MICU1: variants seen among roughly 807,000 people sequenced by gnomAD.
MICU1 encodes the protein mitochondrial calcium uptake 1, also known as calcium uptake protein 1, mitochondrial.
MICU1 carries 45 observed loss-of-function variants against 56.8 expected under a neutral mutation model. That is an observed-to-expected ratio of 0.79 (90% confidence interval 0.62 to 1.02). MICU1 has a LOEUF of 1.02. MICU1 is among the 50% of genes least tolerant of loss of function. The pLI is 0.00. For missense variants in MICU1, 504 were observed against 587.1 expected (o/e 0.86, Z 1.46); for synonymous variants, 186 against 195.1 (o/e 0.95, Z 0.39).
At chr10:72,599,007 T>G (rs937833720) in intron 1 of MICU1, among the ~76,000 whole-genome samples, 1 of 152,096 alleles carries the variant, frequency 6.6e-6, no homozygotes, top group African/African-American at 2.4e-5. Flanking sequence ...AAAATGTGAG[T>G]TTCCCGTTCC....
chr10:72,383,652 T>C (rs575294065), intron 10 of MICU1, among the ~76,000 whole-genome samples: 44 of 152,326 alleles, frequency 2.9e-4, no homozygotes, highest in Middle Eastern at 3.4e-3. Flanking sequence ...CCTTTTCCCC[T>C]TCTCTTTAAA....
At chr10:72,538,511 A>G (rs1037068339) in intron 4 of MICU1, among the ~76,000 whole-genome samples, 2 of 152,162 alleles carry the variant, frequency 1.3e-5, no homozygotes, top group Admixed American at 1.3e-4. Flanking sequence ...TTAAGCTGTT[A>G]TCAGCTTGAA....
intron 10 of MICU1, among the ~76,000 whole-genome samples, chr10:72,400,620 C>A (rs953607035): frequency 1.3e-5 from 2 of 151,876 alleles, no homozygotes; most frequent in Non-Finnish European, 2.9e-5. Flanking sequence ...GTGGCAGGCA[C>A]CTGTAATCCC....
At chr10:72,551,407 C>T (rs1302475439) in intron 3 of MICU1, 66 bp from the exon 4 acceptor site, 26 of 1,017,624 alleles carry the variant, frequency 2.6e-5, no homozygotes, top group Middle Eastern at 2.2e-4. Flanking sequence ...ATATTCTTAT[C>T]ATCACTGCTC....
intron 1 of MICU1, among the ~76,000 whole-genome samples, chr10:72,571,039 T>C (rs1195392746): frequency 6.6e-6 from 1 of 152,232 alleles, no homozygotes; most frequent in Non-Finnish European, 1.5e-5. Flanking sequence ...TTGGAAGTTT[T>C]CAATGTTTAA....
intron 4 of MICU1, among the ~76,000 whole-genome samples, chr10:72,550,842 ACTTT>A (rs1192705096): frequency 2.0e-5 from 3 of 152,294 alleles, no homozygotes; most frequent in Non-Finnish European, 4.4e-5. Flanking sequence ...TTAATTTCAT[ACTTT>A]ATAAGTTTTC....
At chr10:72,507,911 C>A (rs1319333851) in intron 6 of MICU1, among the ~76,000 whole-genome samples, 2 of 152,276 alleles carry the variant, frequency 1.3e-5, no homozygotes, top group East Asian at 3.9e-4. Context: ...AGCCACTGTG[C>A]CCAGCCGTTT....
chr10:72,394,288 G>C (rs1163080561), intron 10 of MICU1, among the ~76,000 whole-genome samples: 1 of 152,130 alleles, frequency 6.6e-6, no homozygotes, highest in South Asian at 2.1e-4. Flanking sequence ...CTAAGATGTA[G>C]ACATATCCTT....
chr10:72,395,815 G>A (rs894033427), intron 10 of MICU1, among the ~76,000 whole-genome samples: 1 of 152,234 alleles, frequency 6.6e-6, no homozygotes, highest in Non-Finnish European at 1.5e-5. Flanking sequence ...AGCTCAACAG[G>A]CCTACAGCCT....
At chr10:72,418,444 G>T (rs1332334462) in intron 9 of MICU1, among the ~76,000 whole-genome samples, 2 of 152,126 alleles carry the variant, frequency 1.3e-5, no homozygotes, top group African/African-American at 4.8e-5. Context: ...CTTTCTTAAG[G>T]AAAAGACAAG....
intron 6 of MICU1, among the ~76,000 whole-genome samples, chr10:72,479,730 T>C (rs1433897522): frequency 6.6e-6 from 1 of 152,184 alleles, no homozygotes; most frequent in Non-Finnish European, 1.5e-5. Context: ...CTCACTACAT[T>C]GCCCAGGCTG....
intron 5 of MICU1, among the ~76,000 whole-genome samples, chr10:72,519,049 G>A (rs183102629): frequency 1.3e-5 from 2 of 152,306 alleles, no homozygotes; most frequent in East Asian, 3.9e-4. Context: ...GTTTTATGTG[G>A]CTTAGAAGTT....
chr10:72,413,517 G>C (rs1275483813), intron 9 of MICU1, among the ~76,000 whole-genome samples: 1 of 152,208 alleles, frequency 6.6e-6, no homozygotes, highest in Non-Finnish European at 1.5e-5. Flanking sequence ...TGGATCACCT[G>C]AGGTTGGATG....
chr10:72,452,439 T>G (rs1766763292), intron 8 of MICU1, among the ~76,000 whole-genome samples: 1 of 152,140 alleles, frequency 6.6e-6, no homozygotes, highest in Admixed American at 6.5e-5. Context: ...GCCACCATGG[T>G]AATATAATGA....
intron 10 of MICU1, among the ~76,000 whole-genome samples, chr10:72,402,553 C>G (rs1407193959): frequency 6.6e-6 from 1 of 151,538 alleles, no homozygotes; most frequent in East Asian, 1.9e-4. Flanking sequence ...CCCAAATAAA[C>G]TTTAGGTATA....
chr10:72,396,916 A>T (rs1863285262), intron 10 of MICU1, among the ~76,000 whole-genome samples: 1 of 152,230 alleles, frequency 6.6e-6, no homozygotes, highest in South Asian at 2.1e-4. Context: ...CAACATTCAA[A>T]TTCAGGAAAT....
At chr10:72,458,156 A>G (rs1302541361) in intron 8 of MICU1, among the ~76,000 whole-genome samples, 1 of 151,954 alleles carries the variant, frequency 6.6e-6, no homozygotes, top group Non-Finnish European at 1.5e-5. Flanking sequence ...ACAAGAGTAA[A>G]AATCCATCTC....
At chr10:72,463,133 G>A (rs182701850) in intron 8 of MICU1, among the ~76,000 whole-genome samples, 3 of 151,702 alleles carry the variant, frequency 2.0e-5, no homozygotes, top group South Asian at 2.1e-4. Context: ...GCACGATCTC[G>A]GCTCACTGCA....
chr10:72,545,900 T>A (rs142947383), intron 4 of MICU1, among the ~76,000 whole-genome samples: 2 of 152,250 alleles, frequency 1.3e-5, no homozygotes, highest in African/African-American at 4.8e-5. Context: ...CTAGTCAGGC[T>A]GGAATGTGGT....
Sources: allele counts gnomAD v4.1 joint callset (sites outside exome capture counted in the v4.1 genomes callset), GRCh38; gene constraint gnomAD v4.1.1; transcripts MANE v1.5; gene names NCBI Gene and HGNC (gene_info 2026-07-23, HGNC 2026-07-21).